Variants in MTNR1A observed in about 807,000 individuals in gnomAD.
MTNR1A encodes melatonin receptor type 1A.
In MTNR1A, 7 loss-of-function variants were observed where a neutral mutation model predicts 5.5. The ratio of observed to expected loss-of-function variants is 1.28; its 90% CI spans 0.73 to 2.40. MTNR1A has a LOEUF of 2.40. Among genes scored for constraint, MTNR1A ranks in the 30% most tolerant of loss-of-function variants. The pLI, the probability that MTNR1A is intolerant of heterozygous loss-of-function variation, is 0.00. For synonymous variants in MTNR1A, 196 were observed against 202.7 expected (o/e 0.97, Z 0.28); for missense variants, 441 against 464.4 (o/e 0.95, Z 0.46).
intron 1 of MTNR1A, among the ~76,000 whole-genome samples, chr4:186,539,964 C>A (rs1736972805): frequency 6.6e-6 from 1 of 152,152 alleles, no homozygotes; most frequent in African/African-American, 2.4e-5. Context: ...CGAGACTGGG[C>A]AATTACAAAA....
At chr4:186,547,089 C>T (rs1408313826) in intron 1 of MTNR1A, among the ~76,000 whole-genome samples, 4 of 41,708 alleles carry the variant, frequency 9.6e-5, no homozygotes, top group Non-Finnish European at 1.1e-4. Flanking sequence ...TGGGACACAC[C>T]GTCCTCACAC....
Position 186,534,401 on chromosome 4 carries a change from G to T in MTNR1A, c.341C>A (p.Ser114Tyr), listed in dbSNP as rs1225875947. Residue 114 changes from serine (S) to tyrosine (Y), a missense_variant, in exon 2 of 2, where the codon TCC (serine) becomes TAC (tyrosine). Coordinates refer to ENST00000307161, the MANE Select transcript of MTNR1A (RefSeq NM_005958.4). ...GGCGATGCCGGTGATGTTGAATATG[G>T]AGCCGATGACGCTCAGGCCCATCAG... ...GFLMGLSVIG[S>Y]IFNITGIAIN... is the part of the protein sequence containing the mutation. 6.2e-7 allele frequency: 1 copy of T among 1,614,096 alleles called. No homozygotes were observed. Among genetic ancestry groups the T allele is most frequent in the African/African-American group, 1.3e-5 (1 of 75,006 alleles).
chr4:186,539,377 T>C (rs1224015857), intron 1 of MTNR1A, among the ~76,000 whole-genome samples: 1 of 152,238 alleles, frequency 6.6e-6, no homozygotes, highest in African/African-American at 2.4e-5. Context: ...CAAAAAGCTG[T>C]CAGTGTTGAC....
intron 1 of MTNR1A, among the ~76,000 whole-genome samples, chr4:186,535,960 A>T (rs779842066): frequency 6.6e-6 from 1 of 152,148 alleles, no homozygotes; most frequent in Non-Finnish European, 1.5e-5. Context: ...ACTCAGATTA[A>T]ATTATAATAA....
At chr4:186,548,846 T>TATATATAC (rs1560898124) in intron 1 of MTNR1A, among the ~76,000 whole-genome samples, 1 of 50,282 alleles carries the variant, frequency 2.0e-5, no homozygotes, top group Admixed American at 2.1e-4. Context: ...TATATATATA[T>TATATATAC]ACACTATATA....
chr4:186,551,417 T>C (rs776297581), intron 1 of MTNR1A, among the ~76,000 whole-genome samples: 1 of 152,172 alleles, frequency 6.6e-6, no homozygotes, highest in Non-Finnish European at 1.5e-5. Flanking sequence ...CTACTTGTTT[T>C]TTTTTTTAAA....
At chr4:186,539,110 G>A (rs1403119020) in intron 1 of MTNR1A, among the ~76,000 whole-genome samples, 1 of 151,486 alleles carries the variant, frequency 6.6e-6, no homozygotes, top group Non-Finnish European at 1.5e-5. Context: ...CCAGCTACTA[G>A]GGAGGCTGAG....
At chr4:186,548,846 T>TATAC (rs1560898124) in intron 1 of MTNR1A, among the ~76,000 whole-genome samples, 1 of 50,286 alleles carries the variant, frequency 2.0e-5, no homozygotes, top group African/African-American at 8.7e-5. Context: ...TATATATATA[T>TATAC]ACACTATATA....
In MTNR1A at chr4:186,533,704, C is replaced by CT; in HGVS notation, c.1037dup (p.Val347GlyfsTer?). On this transcript the variant is annotated frameshift_variant, in exon 2 of 2. Transcript: ENST00000307161. LOFTEE classifies it high-confidence loss of function. Reference sequence around the variant, plus strand: ...TGGTGCTTTTTTAAACGGAGTCCACCTTTACTACATTATTGTTGGTCATCA... The same window carrying CT: ...TGGTGCTTTTTTAAACGGAGTCCACCTTTTACTACATTATTGTTGGTCATCA... 2 of 1,614,170 alleles carry CT rather than the reference C, an allele frequency of 1.2e-6. No individual in the cohort carries two copies. Among genetic ancestry groups the CT allele is most frequent in the Non-Finnish European group, 1.7e-6 (2 of 1,180,048 alleles).
At chr4:186,539,748 A>T (rs1036892916) in intron 1 of MTNR1A, among the ~76,000 whole-genome samples, 5 of 152,200 alleles carry the variant, frequency 3.3e-5, no homozygotes, top group African/African-American at 1.2e-4. Context: ...AGCCTCCAGA[A>T]CTGTGAGAAA....
At chr4:186,540,205 C>A (rs1446780040) in intron 1 of MTNR1A, among the ~76,000 whole-genome samples, 1 of 152,216 alleles carries the variant, frequency 6.6e-6, no homozygotes, top group Non-Finnish European at 1.5e-5. Flanking sequence ...CCCACCAGGT[C>A]CCTGACAACC....
Position 186,534,036 on chromosome 4 carries a change from T to A in MTNR1A, c.706A>T (p.Asn236Tyr). 1.2e-6 allele frequency: 2 copies of A among 1,614,070 alleles called. No homozygotes were observed. Among genetic ancestry groups the A allele is most frequent in the South Asian group, 2.2e-5 (2 of 91,078 alleles). The change falls in exon 2 of 2, where the codon AAT becomes TAT. Residue 236 changes from asparagine (N) to tyrosine (Y), a missense_variant. By Grantham distance (143) the Asn-to-Tyr change is moderately radical. Coordinates refer to ENST00000307161, the MANE Select transcript of MTNR1A (RefSeq NM_005958.4). ...AAAACCACAAACATGGTGACAAAAT[T>A]CCTGAAGTCCTGTGGTTTCAGTTTG... is the stretch of plus-strand genomic sequence containing the variant. ...KPKLKPQDFRNFVTMFVVFVL... is the reference protein window; with the variant it reads ...KPKLKPQDFRYFVTMFVVFVL...
At position 186,534,552 on chromosome 4, in the gene MTNR1A, T is replaced by C. The variant is rs760213987; in HGVS notation, c.190A>G (p.Ile64Val). 6.2e-7 allele frequency: 1 copy of C among 1,611,572 alleles called. No homozygotes were observed. Among genetic ancestry groups the C allele is most frequent in the African/African-American group, 1.3e-5 (1 of 75,054 alleles). Residue 64 changes from isoleucine (I) to valine (V), a missense_variant, in exon 2 of 2, where the codon ATC becomes GTC. Coordinates refer to ENST00000307161, the MANE Select transcript of MTNR1A (RefSeq NM_005958.4). ...GCCACCGCTAAGCTCACCACAAAGATGTTTCCTGAAAGAGAATCGTTTAGA... is the reference window on the plus strand; with the variant it reads ...GCCACCGCTAAGCTCACCACAAAGACGTTTCCTGAAAGAGAATCGTTTAGA... Reference protein sequence around the residue: ...RNKKLRNAGNIFVVSLAVADL... With the variant: ...RNKKLRNAGNVFVVSLAVADL...
chr4:186,555,184 G>C lies in MTNR1A; in HGVS notation c.182C>G (p.Ala61Gly). The C allele has an allele frequency of 6.3e-7, 1 of 1,591,562 alleles. No homozygotes were observed. The highest frequency in any genetic ancestry group is 8.5e-7 in the Non-Finnish European group (1 of 1,169,634). ...AGGGGAGGCGGCGCGGGCCCTACCT[G>C]CGTTCCTGAGCTTCTTGTTCCGATA... is the stretch of plus-strand genomic sequence containing the variant. The part of the protein sequence containing the change: ...SVYRNKKLRN[A>G]GNIFVVSLAV... Residue 61 changes from alanine to glycine, a missense_variant and splice_region_variant, in exon 1 of 2, where the codon GCA becomes GGA. Coordinates refer to ENST00000307161, the MANE Select transcript of MTNR1A (RefSeq NM_005958.4). This position sits in a 1 kb window ranked among gnomAD's most constrained non-coding sequence, Gnocchi z 4.1.
At chr4:186,541,858 C>A (rs967084506) in intron 1 of MTNR1A, among the ~76,000 whole-genome samples, 3 of 152,278 alleles carry the variant, frequency 2.0e-5, no homozygotes, top group African/African-American at 7.2e-5. Flanking sequence ...GACCACTGAG[C>A]TAGATGGGCA....
chr4:186,534,704 C>T, intron 1 of MTNR1A, 147 bp from the exon 2 acceptor site: 1 of 806,754 alleles, frequency 1.2e-6, no homozygotes, highest in Non-Finnish European at 1.8e-6. Context: ...GAGGCCGTTT[C>T]CCAGGAGGGC....
intron 1 of MTNR1A, among the ~76,000 whole-genome samples, chr4:186,545,269 C>T (rs1022222519): frequency 6.6e-6 from 1 of 152,182 alleles, no homozygotes; most frequent in African/African-American, 2.4e-5. Flanking sequence ...CTTACAGACA[C>T]GAGCCAACCA....
chr4:186,534,676 C>T (rs1428056328), intron 1 of MTNR1A, 119 bp from the exon 2 acceptor site: 15 of 1,257,348 alleles, frequency 1.2e-5, no homozygotes, highest in Non-Finnish European at 1.6e-5. Context: ...CAGCGGCGGC[C>T]GCACTGCAAA....
chr4:186,535,572 C>T (rs1182342672), intron 1 of MTNR1A, among the ~76,000 whole-genome samples: 6 of 152,032 alleles, frequency 3.9e-5, no homozygotes, highest in East Asian at 1.9e-4. Context: ...CCACCACACC[C>T]GGCTCGTTTT....
Sources: gnomAD v4.1 joint callset for allele counts (sites outside exome capture counted in the v4.1 genomes callset) on GRCh38, gnomAD v4.1.1 for gene constraint, Gnocchi (gnomAD v3.1) non-coding constraint, MANE v1.5 for transcripts, NCBI Gene and HGNC (gene_info 2026-07-23, HGNC 2026-07-21) for gene names.